Variants in UBE3C observed in about 807,000 individuals in gnomAD.
UBE3C encodes the protein ubiquitin-protein ligase E3C.
A neutral mutation model predicts 129.4 loss-of-function variants in UBE3C; 42 were observed. The observed-to-expected ratio is 0.32, with a 90% CI of 0.25 to 0.42. The LOEUF is 0.42. Ranked by LOEUF, UBE3C falls within the 10% of genes least tolerant of loss-of-function variation. UBE3C has a pLI of 1.00. For synonymous variants in UBE3C, 510 were observed against 492.4 expected (o/e 1.04, Z -0.47); for missense variants, 1,049 against 1,319.1 (o/e 0.80, Z 3.17).
chr7:157,213,634 G>A (rs1054701707), intron 13 of UBE3C, among the ~76,000 whole-genome samples: 1 of 152,142 alleles, frequency 6.6e-6, no homozygotes, highest in Admixed American at 6.6e-5. Flanking sequence ...AAGGTGTTTC[G>A]AGATCACAAA....
Position 157,225,650 on chromosome 7 carries a change from T to G in UBE3C, c.2233+111T>G, listed in dbSNP as rs549228815. ...TCCATCATCTTGTTCCATAATGACT[T>G]AAAAACTGAAATGTGAGGCTGGGCA... On this transcript the variant is annotated intron_variant, in intron 17 of 22. Coordinates refer to ENST00000348165, the MANE Select transcript of UBE3C (RefSeq NM_014671.3). 1.1e-5 allele frequency: 14 copies of G among 1,268,968 alleles called. No homozygotes were observed. In the South Asian group the frequency reaches 2.1e-4, roughly 19 times the overall value. 78.6% of individuals were successfully genotyped at this position (1,268,968 alleles called of 1,614,324 possible). A position where few individuals can be genotyped will look rare whatever the true frequency, so the allele number is the denominator to read the frequency against.
chr7:157,167,728 T>A (rs4716692), intron 2 of UBE3C, among the ~76,000 whole-genome samples: 93,979 of 150,888 alleles, frequency 0.62, 31,623 homozygotes, highest in African/African-American at 0.91. Flanking sequence ...AGAAGAGGTA[T>A]GGTTTCACCA....
intron 10 of UBE3C, 128 bp downstream of exon 10, chr7:157,187,149 G>A (rs1442757753): frequency 9.0e-7 from 1 of 1,106,766 alleles, no homozygotes; most frequent in Non-Finnish European, 1.2e-6. Context: ...ATATTCTACT[G>A]TCCAAGCGTT....
At chr7:157,243,111 G>C (rs369266654) in intron 18 of UBE3C, among the ~76,000 whole-genome samples, 2 of 152,020 alleles carry the variant, frequency 1.3e-5, no homozygotes, top group African/African-American at 2.4e-5. Flanking sequence ...ATTGTGGCTC[G>C]ATCGCTGGAA....
At chr7:157,171,676 ATATATATATATTTTTTTTTTTT>A (rs1563038940) in intron 4 of UBE3C, among the ~76,000 whole-genome samples, 4 of 29,712 alleles carry the variant, frequency 1.3e-4, no homozygotes, top group African/African-American at 4.0e-4. Flanking sequence ...ATATATATAT[ATATATATATATTTTTTTTTTTT>A]TTTTTTTTTT....
Position 157,169,139 on chromosome 7 carries a change from AT to A in UBE3C, c.195+18del. 1 of 1,605,086 alleles carries A rather than the reference AT, an allele frequency of 6.2e-7. No individual in the cohort carries two copies. Among genetic ancestry groups the A allele is most frequent in the Non-Finnish European group, 8.5e-7 (1 of 1,172,566 alleles). On this transcript the variant is annotated intron_variant, in intron 3 of 22. Coordinates refer to ENST00000348165, the MANE Select transcript of UBE3C (RefSeq NM_014671.3). Reference sequence around the variant, plus strand: ...AAACAGCAAGTAAGTTTGTTTTAAAATGAGGAGATTAGTAGGGCATGGGAGA... The same window carrying A: ...AAACAGCAAGTAAGTTTGTTTTAAAAGAGGAGATTAGTAGGGCATGGGAGA...
At chr7:157,185,263 C>A (rs975678456) in intron 9 of UBE3C, among the ~76,000 whole-genome samples, 1 of 152,214 alleles carries the variant, frequency 6.6e-6, no homozygotes, top group Non-Finnish European at 1.5e-5. Context: ...ACCCGTGAAC[C>A]GGGAAATCAC....
intron 13 of UBE3C, among the ~76,000 whole-genome samples, chr7:157,212,280 CTTTTA>C (rs1400159606): frequency 6.6e-6 from 1 of 151,910 alleles, no homozygotes; most frequent in African/African-American, 2.4e-5. Context: ...AAAAAAGATA[CTTTTA>C]TTTTATGTTA....
chr7:157,146,866 G>C (rs1196022488), intron 1 of UBE3C, among the ~76,000 whole-genome samples: 1 of 152,132 alleles, frequency 6.6e-6, no homozygotes, highest in African/African-American at 2.4e-5. Flanking sequence ...GGCCAGGCTG[G>C]TCTTGAACTC....
At chr7:157,230,978 A>G in intron 17 of UBE3C, 102 bp from the exon 18 acceptor site, 1 of 1,471,602 alleles carries the variant, frequency 6.8e-7, no homozygotes, top group Non-Finnish European at 9.2e-7. Flanking sequence ...AAATGTCCCT[A>G]AGATCCTCAC....
At chr7:157,146,490 G>C (rs6977324) in intron 1 of UBE3C, among the ~76,000 whole-genome samples, 52,098 of 151,886 alleles carry the variant, frequency 0.34, 10,197 homozygotes, top group African/African-American at 0.54. Context: ...CAAAGTGCTG[G>C]GATTACAGGC....
chr7:157,139,955 C>T lies in UBE3C; in HGVS notation c.66+617C>T, dbSNP rs539847558. On this transcript the variant is annotated intron_variant, in intron 1 of 22. Coordinates refer to ENST00000348165, the MANE Select transcript of UBE3C (RefSeq NM_014671.3). ...GAGGGCAATTATTTGCCACCAGCCT[C>T]CTGGAAACTGTGGAGAGACTCCGGA... is the stretch of plus-strand genomic sequence containing the variant. The T allele has an allele frequency of 4.2e-4, 418 of 984,676 alleles. 1 individual carries two copies. Among genetic ancestry groups the T allele is most frequent in the Non-Finnish European group, 4.8e-4 (402 of 829,368 alleles). The allele number at this position is 984,676 out of a possible 1,614,324, so 61.0% of individuals were successfully genotyped here. A position where few individuals can be genotyped will look rare whatever the true frequency, so the allele number is the denominator to read the frequency against.
intron 22 of UBE3C, among the ~76,000 whole-genome samples, chr7:157,261,368 A>T (rs1299458268): frequency 6.7e-6 from 1 of 148,778 alleles, no homozygotes; most frequent in African/African-American, 2.5e-5. Flanking sequence ...GGAAAATCCT[A>T]CCCCAGTCAA....
In UBE3C at chr7:157,181,392, A is replaced by G. The variant is rs1443636024; in HGVS notation, c.617-126A>G. 16 of 786,028 alleles carry G rather than the reference A, an allele frequency of 2.0e-5. No homozygotes were observed. In the Admixed American group the frequency reaches 5.6e-4, roughly 27 times the overall value. The allele number at this position is 786,028 out of a possible 1,614,324, so 48.7% of individuals were successfully genotyped here. A position where few individuals can be genotyped will look rare whatever the true frequency, so the allele number is the denominator to read the frequency against. On this transcript the variant is annotated intron_variant, in intron 6 of 22. Coordinates refer to ENST00000348165, the MANE Select transcript of UBE3C (RefSeq NM_014671.3). ...ATATATTTGTTTAGTTTTCCTTGCT[A>G]GCATGTTAAAGAACTAACTTAAGTT...
At chr7:157,250,904 T>G (rs1444551024) in intron 19 of UBE3C, among the ~76,000 whole-genome samples, 1 of 152,160 alleles carries the variant, frequency 6.6e-6, no homozygotes, top group Non-Finnish European at 1.5e-5. Flanking sequence ...CATTTTTCCT[T>G]CTGAAATAAA....
At chr7:157,198,419 C>T in intron 10 of UBE3C, 1 of 636,002 alleles carries the variant, frequency 1.6e-6, no homozygotes, top group East Asian at 2.9e-5. Context: ...AGGTTCTTCA[C>T]ATTAAGTTCT....
chr7:157,260,120 A>G (rs1034467938), intron 22 of UBE3C, among the ~76,000 whole-genome samples: 1 of 151,992 alleles, frequency 6.6e-6, no homozygotes, highest in Non-Finnish European at 1.5e-5. Flanking sequence ...GTTGGAGAGA[A>G]AAAATAACCA....
intron 13 of UBE3C, among the ~76,000 whole-genome samples, chr7:157,209,170 G>C (rs1166384436): frequency 1.3e-5 from 2 of 152,180 alleles, no homozygotes; most frequent in African/African-American, 4.8e-5. Context: ...CACTTAACCT[G>C]ATGGGCTAAT....
intron 22 of UBE3C, among the ~76,000 whole-genome samples, chr7:157,259,333 G>C (rs150351494): frequency 1.6e-4 from 24 of 152,234 alleles, no homozygotes; most frequent in African/African-American, 5.8e-4. Context: ...CCTTTCTTCT[G>C]TACCCCCATT....
Sources: gnomAD v4.1 joint callset for allele counts (sites outside exome capture counted in the v4.1 genomes callset) on GRCh38, gnomAD v4.1.1 for gene constraint, MANE v1.5 for transcripts, NCBI Gene and HGNC (gene_info 2026-07-23, HGNC 2026-07-21) for gene names.